The following LRRC7 variants were observed in gnomAD, a reference collection of about 807,000 sequenced individuals.
The protein encoded by LRRC7 is leucine rich repeat containing 7, also known as leucine-rich repeat-containing protein 7.
A neutral mutation model predicts 175.7 loss-of-function variants in LRRC7; 23 were observed. That is an observed-to-expected ratio of 0.13 (90% CI 0.09 to 0.19). LRRC7 has a LOEUF of 0.19. Ranked by LOEUF, LRRC7 falls within the 10% of genes least tolerant of loss-of-function variation. The pLI is 1.00. For synonymous variants in LRRC7, 685 were observed against 680.9 expected, an observed-to-expected ratio of 1.01 and a Z score of -0.09; for missense variants, 1,354 against 1,904.7, an observed-to-expected ratio of 0.71 and a Z score of 5.38.
At chr1:69,655,245 C>T (rs755592215) in intron 1 of LRRC7, among the ~76,000 whole-genome samples, 1 of 139,202 alleles carries the variant, frequency 7.2e-6, no homozygotes, top group Non-Finnish European at 1.6e-5. Context: ...ATTCAAGTAA[C>T]CACCCAAAAC....
At chr1:69,912,058 G>C (rs1249005053) in intron 7 of LRRC7, among the ~76,000 whole-genome samples, 3 of 152,062 alleles carry the variant, frequency 2.0e-5, no homozygotes, top group Middle Eastern at 3.2e-3. Flanking sequence ...ATGTGTGTAG[G>C]TTAGGTGCAA....
chr1:69,930,905 A>C (rs187048481), intron 7 of LRRC7, among the ~76,000 whole-genome samples: 1 of 149,700 alleles, frequency 6.7e-6, no homozygotes, highest in African/African-American at 2.5e-5. Flanking sequence ...TGATCCAATC[A>C]CCTCCCACCA....
intron 8 of LRRC7, among the ~76,000 whole-genome samples, chr1:69,950,715 A>G (rs920620021): frequency 4.6e-5 from 7 of 152,118 alleles, no homozygotes; most frequent in Admixed American, 3.9e-4. Flanking sequence ...TTATTATAAT[A>G]GTTTCAGAAA....
At chr1:69,593,015 A>T (rs1335288989) in intron 1 of LRRC7, among the ~76,000 whole-genome samples, 1 of 152,078 alleles carries the variant, frequency 6.6e-6, no homozygotes, top group Non-Finnish European at 1.5e-5. Flanking sequence ...CATATATTGT[A>T]AAAATTCAAA....
At chr1:70,041,434 A>G (rs1388113095) in intron 21 of LRRC7, among the ~76,000 whole-genome samples, 1 of 152,248 alleles carries the variant, frequency 6.6e-6, no homozygotes, top group Non-Finnish European at 1.5e-5. Flanking sequence ...GCTCAGTCCC[A>G]TTGAAGGGAG....
intron 18 of LRRC7, among the ~76,000 whole-genome samples, chr1:70,034,293 AAATG>A (rs1305063871): frequency 2.0e-5 from 3 of 152,204 alleles, no homozygotes; most frequent in African/African-American, 7.2e-5. Context: ...AAATCAATCA[AAATG>A]AATAATATGT....
intron 2 of LRRC7, among the ~76,000 whole-genome samples, chr1:69,735,263 G>A (rs1471086313): frequency 6.6e-6 from 1 of 151,916 alleles, no homozygotes; most frequent in African/African-American, 2.4e-5. Flanking sequence ...TTTTATGACT[G>A]TTTTGTTTTT....
rs1411345388 is a variant in LRRC7, at chr1:70,012,991, T to C, written c.1152T>C (p.Asn384=). The change falls in exon 13 of 27, where the codon AAT becomes AAC. Residue 384 remains asparagine (N), a synonymous_variant. Transcript: ENST00000651989. ...ELPREIGSCK[N]VTVMSLRSNK... Reference sequence around the variant, plus strand: ...ACCTACAGATTGGAAGTTGTAAGAATGTAACAGTCATGTCTCTACGCTCCA... The same window carrying C: ...ACCTACAGATTGGAAGTTGTAAGAACGTAACAGTCATGTCTCTACGCTCCA... The C allele has an allele frequency of 6.4e-7, 1 of 1,561,724 alleles. No individual in the cohort carries two copies.
At chr1:69,650,727 T>TAAA (rs5774989) in intron 1 of LRRC7, among the ~76,000 whole-genome samples, 4 of 151,378 alleles carry the variant, frequency 2.6e-5, no homozygotes, top group African/African-American at 9.7e-5. Flanking sequence ...CTAAACAAAA[T>TAAA]ATGTTGTGCA....
At chr1:69,868,399 G>A (rs968772944) in intron 7 of LRRC7, among the ~76,000 whole-genome samples, 1 of 152,014 alleles carries the variant, frequency 6.6e-6, no homozygotes, top group Non-Finnish European at 1.5e-5. Flanking sequence ...TCATTTTAGG[G>A]TAAGGATAGG....
At chr1:69,718,142 G>GAAAGAAAGAAAAGAAAGAA (rs1553146139) in intron 2 of LRRC7, among the ~76,000 whole-genome samples, 1 of 73,716 alleles carries the variant, frequency 1.4e-5, no homozygotes, top group Admixed American at 1.5e-4. Context: ...AAGAAAGAGA[G>GAAAGAAAGAAAAGAAAGAA]AGAAAGAAAG....
chr1:69,956,000 A>C (rs1650448373), intron 8 of LRRC7, among the ~76,000 whole-genome samples: 1 of 151,956 alleles, frequency 6.6e-6, no homozygotes. Flanking sequence ...AATAAAAAAT[A>C]CCTAATTTAT....
chr1:69,862,769 G>A (rs552352486), intron 7 of LRRC7, among the ~76,000 whole-genome samples: 6 of 151,862 alleles, frequency 4.0e-5, no homozygotes, highest in South Asian at 2.1e-4. Flanking sequence ...ATAGTTATAC[G>A]CATGCCATAG....
rs1048438667 is a variant in LRRC7, at chr1:69,976,356, G to A, written c.712-4023G>A. On this transcript the variant is annotated intron_variant, in intron 8 of 26. Coordinates refer to ENST00000651989, the MANE Select transcript of LRRC7 (RefSeq NM_001370785.2). The stretch of plus-strand genomic sequence containing the variant: ...AGATGCAGCCTGGGAGGCTAAGCCA[G>A]TCTACCCTTTTCATGTTTTTCTGCC... 4.6e-5 allele frequency among the ~76,000 whole-genome samples: 7 copies of A among 152,196 alleles called. No individual in the cohort carries two copies. In the East Asian group the frequency reaches 1.3e-3, roughly 29 times the overall value.
At chr1:69,867,644 A>G (rs1334399969) in intron 7 of LRRC7, among the ~76,000 whole-genome samples, 1 of 152,170 alleles carries the variant, frequency 6.6e-6, no homozygotes, top group Non-Finnish European at 1.5e-5. Context: ...TGGCAGTGGA[A>G]TGTGGAATAC....
intron 25 of LRRC7, among the ~76,000 whole-genome samples, chr1:70,093,145 A>G (rs1186420166): frequency 1.3e-5 from 2 of 152,160 alleles, no homozygotes; most frequent in Non-Finnish European, 2.9e-5. Flanking sequence ...TGAAGTGTAT[A>G]ATAGCCATGA....
chr1:69,994,456 A>C, intron 10 of LRRC7, 105 bp from the exon 11 acceptor site: 1 of 824,696 alleles, frequency 1.2e-6, no homozygotes, highest in Non-Finnish European at 2.0e-6. Context: ...TTGGCCAATT[A>C]GCATGCCAAG....
At chr1:69,916,009 G>A (rs1212395176) in intron 7 of LRRC7, among the ~76,000 whole-genome samples, 2 of 138,212 alleles carry the variant, frequency 1.4e-5, no homozygotes, top group African/African-American at 5.4e-5. Context: ...TCCAGGGTCC[G>A]TGGTCTTAGC....
chr1:69,971,183 A>T (rs1186683548), intron 8 of LRRC7, among the ~76,000 whole-genome samples: 2 of 152,202 alleles, frequency 1.3e-5, no homozygotes, highest in Non-Finnish European at 2.9e-5. Flanking sequence ...CTGAATGGGG[A>T]AAAGTTGAAA....
Sources: allele counts gnomAD v4.1 joint callset (sites outside exome capture counted in the v4.1 genomes callset), GRCh38; gene constraint gnomAD v4.1.1; transcripts MANE v1.5; gene names NCBI Gene and HGNC (gene_info 2026-07-23, HGNC 2026-07-21).